BTBD3: variants seen among roughly 807,000 people sequenced by gnomAD.
BTBD3 encodes the protein BTB/POZ domain-containing protein 3.
Under a neutral mutation model 41.6 loss-of-function variants are expected in BTBD3, and 14 were observed. That is an observed-to-expected ratio of 0.34 (90% confidence interval 0.22 to 0.53). The LOEUF is 0.53. BTBD3 is among the 20% of genes least tolerant of loss of function. The pLI, the probability that BTBD3 is intolerant of heterozygous loss-of-function variation, is 0.95. For synonymous variants in BTBD3, 249 were observed against 233.7 expected (o/e 1.07, Z -0.60); for missense variants, 426 against 654.7 (o/e 0.65, Z 3.81).
chr20:11,919,340 A>T (rs1003467138), intron 2 of BTBD3, 164 bp downstream of exon 2: 2 of 1,401,736 alleles, frequency 1.4e-6, no homozygotes, highest in Non-Finnish European at 1.9e-6. Flanking sequence ...GCCACGCTTA[A>T]TTTTTTCTTT....
In BTBD3 at chr20:11,918,550, A is replaced by G. The variant is rs1005406343; in HGVS notation, c.275A>G (p.Asn92Ser). Reference sequence around the variant, plus strand: ...CACCAGCAGAATCTCAGTAACAACAACCTTATCCCGGCCCCAAACTGGCAG... The same window carrying G: ...CACCAGCAGAATCTCAGTAACAACAGCCTTATCCCGGCCCCAAACTGGCAG... ...QYHQQNLSNN[N>S]LIPAPNWQGL... Residue 92 changes from asparagine to serine, a missense_variant, in exon 1 of 4, where the codon AAC becomes AGC. Transcript: ENST00000378226. 10 of 1,613,268 alleles carry G rather than the reference A, an allele frequency of 6.2e-6. No individual in the cohort carries two copies. Among genetic ancestry groups the G allele is most frequent in the South Asian group, 1.1e-5 (1 of 90,948 alleles).
rs1482085700 is a variant in BTBD3 at position 11,919,160 on chromosome 20, G to A, written c.401G>A (p.Arg134Gln). 3.1e-6 allele frequency: 5 copies of A among 1,613,544 alleles called. No individual in the cohort carries two copies. The highest frequency in any genetic ancestry group is 1.6e-4 in the Middle Eastern group (1 of 6,080). ...GTTGGGCCACCAGGTGGGACTCAAC[G>A]GTTGCCAGGACACAAAGTAAGCAAC... ...FVVGPPGGTQ[R>Q]LPGHKYVLAV... Residue 134 changes from arginine (R) to glutamine (Q), a missense_variant, in exon 2 of 4, where the codon CGG becomes CAG. Coordinates refer to ENST00000378226, the MANE Select transcript of BTBD3 (RefSeq NM_014962.4).
At chr20:11,920,350 CAT>C (rs913979878) in intron 3 of BTBD3, among the ~76,000 whole-genome samples, 1 of 152,104 alleles carries the variant, frequency 6.6e-6, no homozygotes, top group African/African-American at 2.4e-5. Flanking sequence ...TATACATACT[CAT>C]ATAAAATCAG....
At chr20:11,906,194 G>A (rs2056852530) in intron 1 of BTBD3, among the ~76,000 whole-genome samples, 1 of 132,242 alleles carries the variant, frequency 7.6e-6, no homozygotes, top group Admixed American at 7.9e-5. Context: ...ATACTTTCCA[G>A]TTTTGGCCAA....
upstream of BTBD3, among the ~76,000 whole-genome samples, chr20:11,916,318 T>C (rs984448084): frequency 1.3e-5 from 2 of 152,224 alleles, no homozygotes; most frequent in Admixed American, 1.3e-4. Flanking sequence ...CTTACTTGTT[T>C]CTTCATGACT....
chr20:11,903,990 G>A (rs905365067), intron 1 of BTBD3, among the ~76,000 whole-genome samples: 3 of 152,144 alleles, frequency 2.0e-5, no homozygotes, highest in African/African-American at 7.2e-5. Flanking sequence ...GTTGAGATTT[G>A]TGCTCTGAGA....
At chr20:11,921,817 C>A (rs1390360575) in intron 3 of BTBD3, among the ~76,000 whole-genome samples, 1 of 152,072 alleles carries the variant, frequency 6.6e-6, no homozygotes, top group Non-Finnish European at 1.5e-5. Flanking sequence ...AGCTGTAGAC[C>A]TTAGGTAGAA....
At chr20:11,906,016 CT>C (rs2056851311) in intron 1 of BTBD3, among the ~76,000 whole-genome samples, 1 of 152,092 alleles carries the variant, frequency 6.6e-6, no homozygotes, top group Non-Finnish European at 1.5e-5. Flanking sequence ...AAGAAATATA[CT>C]TTTATGGCCA....
intron 1 of BTBD3, among the ~76,000 whole-genome samples, chr20:11,898,414 G>A (rs1219920874): frequency 6.6e-6 from 1 of 152,102 alleles, no homozygotes; most frequent in Admixed American, 6.6e-5. Context: ...TTGTCTGTGC[G>A]ATTACTCTAG....
At chr20:11,898,647 A>G (rs1454572410) in intron 1 of BTBD3, among the ~76,000 whole-genome samples, 5 of 152,196 alleles carry the variant, frequency 3.3e-5, no homozygotes, top group Non-Finnish European at 5.9e-5. Context: ...TTTTGAATGA[A>G]TGAATGTAGT....
intron 1 of BTBD3, among the ~76,000 whole-genome samples, chr20:11,904,083 TAAG>T (rs1308593461): frequency 2.0e-5 from 3 of 152,174 alleles, no homozygotes; most frequent in Admixed American, 1.3e-4. Context: ...TATAGTTCAT[TAAG>T]AATTTTTTTT....
intron 1 of BTBD3, among the ~76,000 whole-genome samples, chr20:11,893,712 G>C (rs1224288684): frequency 6.6e-6 from 1 of 152,120 alleles, no homozygotes; most frequent in Non-Finnish European, 1.5e-5. Context: ...CCTGTTGGGA[G>C]ACATTTTGGG....
chr20:11,897,614 C>G (rs1234287001), intron 1 of BTBD3, among the ~76,000 whole-genome samples: 1 of 150,248 alleles, frequency 6.7e-6, no homozygotes, highest in African/African-American at 2.4e-5. Flanking sequence ...ATCAGTTTAA[C>G]TACTTTTCCC....
chr20:11,902,382 G>T (rs940394258), intron 1 of BTBD3, among the ~76,000 whole-genome samples: 1 of 152,150 alleles, frequency 6.6e-6, no homozygotes, highest in Non-Finnish European at 1.5e-5. Flanking sequence ...TACATATCAA[G>T]CAATTCAACT....
chr20:11,920,272 T>C (rs571232399), intron 3 of BTBD3, among the ~76,000 whole-genome samples: 1 of 152,322 alleles, frequency 6.6e-6, no homozygotes, highest in Non-Finnish European at 1.5e-5. Context: ...CTAAGAGTTA[T>C]TGTCTCCTAA....
intron 1 of BTBD3, 29 bp downstream of exon 1, chr20:11,918,630 A>G: frequency 6.5e-7 from 1 of 1,534,936 alleles, no homozygotes; most frequent in Non-Finnish European, 8.7e-7. Flanking sequence ...TATTTACTTT[A>G]AAAGTTTTCC....
chr20:11,898,709 A>G (rs547153608), intron 1 of BTBD3, among the ~76,000 whole-genome samples: 9 of 152,298 alleles, frequency 5.9e-5, no homozygotes, highest in Non-Finnish European at 8.8e-5. Flanking sequence ...CAACACATGC[A>G]TAGTGTTTTA....
chr20:11,895,842 G>A (rs1036012182), intron 1 of BTBD3, among the ~76,000 whole-genome samples: 2 of 152,056 alleles, frequency 1.3e-5, no homozygotes, highest in Non-Finnish European at 2.9e-5. Context: ...AGTACTTCTC[G>A]GCTTTTCTCA....
At position 11,912,481 on chromosome 20, in the gene BTBD3, A is replaced by G. The variant is rs1039838048; in HGVS notation, c.-125-5853A>G. On this transcript the variant is annotated intron_variant, in intron 1 of 4. Coordinates refer to the BTBD3 transcript ENST00000254977. ...GAACCTTCCCTGCAAAATCAGATTC[A>G]CAGCAAAATGGGACCTGCTTGGCCC... Among the ~76,000 whole-genome samples, 41 of 152,202 alleles carry G rather than the reference A, an allele frequency of 2.7e-4. 3 individuals are homozygous for G.
Sources: allele counts gnomAD v4.1 joint callset (sites outside exome capture counted in the v4.1 genomes callset), GRCh38; gene constraint gnomAD v4.1.1; transcripts MANE v1.5; gene names NCBI Gene and HGNC (gene_info 2026-07-23, HGNC 2026-07-21).